Variants in SCAPER observed in about 807,000 individuals in gnomAD.
The protein encoded by SCAPER is S-phase cyclin A associated protein in the ER, also known as S phase cyclin A-associated protein in the endoplasmic reticulum.
In SCAPER, 98 loss-of-function variants were observed where a neutral mutation model predicts 182.2. The ratio of observed to expected loss-of-function variants is 0.54; its 90% confidence interval spans 0.46 to 0.64. The LOEUF (loss-of-function observed/expected upper bound fraction) is 0.64, where lower values mean the gene tolerates loss of function less well. Ranked by LOEUF, SCAPER falls within the 30% of genes least tolerant of loss-of-function variation. The pLI is 0.00. For missense variants in SCAPER, 1,432 were observed against 1,690.0 expected (o/e 0.85, Z 2.68); for synonymous variants, 605 against 564.6 (o/e 1.07, Z -1.01).
chr15:76,351,946 G>A (rs1393836319), intron 30 of SCAPER, among the ~76,000 whole-genome samples: 3 of 152,108 alleles, frequency 2.0e-5, no homozygotes. Flanking sequence ...TTATGTTACA[G>A]ATTTTTTTTG....
At chr15:76,744,216 G>C (rs1331893987) in intron 15 of SCAPER, among the ~76,000 whole-genome samples, 2 of 152,056 alleles carry the variant, frequency 1.3e-5, no homozygotes, top group East Asian at 3.9e-4. Flanking sequence ...TACCCTTCTT[G>C]ACATCTGCTT....
chr15:76,772,596 CA>C (rs1395379728), intron 9 of SCAPER, among the ~76,000 whole-genome samples: 1 of 151,898 alleles, frequency 6.6e-6, no homozygotes, highest in Non-Finnish European at 1.5e-5. Flanking sequence ...CTCATTATGA[CA>C]TTCATACACT....
chr15:76,447,386 C>T (rs1302097659), intron 25 of SCAPER, among the ~76,000 whole-genome samples: 2 of 152,188 alleles, frequency 1.3e-5, no homozygotes, highest in Non-Finnish European at 2.9e-5. Flanking sequence ...ATGGGGAACT[C>T]TGATTTATAG....
intron 23 of SCAPER, 88 bp downstream of exon 23, chr15:76,574,070 A>T (rs964528810): frequency 1.5e-6 from 2 of 1,351,270 alleles, no homozygotes; most frequent in African/African-American, 2.9e-5. Context: ...AAAGGTATAT[A>T]CTGAGTCTGC....
chr15:76,522,607 G>A (rs774078236), intron 23 of SCAPER, among the ~76,000 whole-genome samples: 19 of 152,176 alleles, frequency 1.2e-4, no homozygotes, highest in Non-Finnish European at 2.6e-4. Context: ...CTAAGACAGA[G>A]TAGTAAATAA....
intron 5 of SCAPER, 23 bp downstream of exon 5, chr15:76,841,711 C>T: frequency 1.9e-6 from 3 of 1,609,384 alleles, no homozygotes; most frequent in Non-Finnish European, 2.5e-6. Context: ...AAATGGATTA[C>T]AAGGCCTCAA....
chr15:76,737,887 T>A (rs1207652399), intron 15 of SCAPER, among the ~76,000 whole-genome samples: 1 of 152,224 alleles, frequency 6.6e-6, no homozygotes, highest in Non-Finnish European at 1.5e-5. Flanking sequence ...ATACCTCTCT[T>A]AAACTTCACA....
At chr15:76,862,576 T>TA in intron 2 of SCAPER, 43 bp from the exon 3 acceptor site, 2 of 1,199,074 alleles carry the variant, frequency 1.7e-6, no homozygotes, top group Non-Finnish European at 2.4e-6. Flanking sequence ...ATTAGATAAG[T>TA]CAAAATATAT....
At chr15:76,873,693 C>T (rs2072949970) in intron 2 of SCAPER, among the ~76,000 whole-genome samples, 1 of 152,108 alleles carries the variant, frequency 6.6e-6, no homozygotes, top group South Asian at 2.1e-4. Context: ...ACATAATTAA[C>T]AAGTTGATAT....
chr15:76,535,909 C>T (rs1416594264), intron 23 of SCAPER, among the ~76,000 whole-genome samples: 1 of 152,120 alleles, frequency 6.6e-6, no homozygotes, highest in Admixed American at 6.5e-5. Context: ...CTTTGTGGGC[C>T]TGTATTATCC....
At chr15:76,820,887 T>G (rs1324782168) in intron 5 of SCAPER, among the ~76,000 whole-genome samples, 2 of 152,132 alleles carry the variant, frequency 1.3e-5, no homozygotes, top group East Asian at 3.9e-4. Context: ...CTCCACATCA[T>G]AAGTCATCAG....
chr15:76,519,935 T>C (rs1456957096), intron 23 of SCAPER, among the ~76,000 whole-genome samples: 1 of 152,220 alleles, frequency 6.6e-6, no homozygotes, highest in Non-Finnish European at 1.5e-5. Context: ...CTCATAATAG[T>C]ATACCCTTAA....
chr15:76,642,439 TTAA>T (rs1239748967), intron 21 of SCAPER, among the ~76,000 whole-genome samples: 1 of 152,220 alleles, frequency 6.6e-6, no homozygotes, highest in African/African-American at 2.4e-5. Context: ...ATTCTTCAAT[TTAA>T]TTTTTGAATA....
At chr15:76,468,859 C>T (rs2049901588) in intron 25 of SCAPER, among the ~76,000 whole-genome samples, 1 of 152,050 alleles carries the variant, frequency 6.6e-6, no homozygotes, top group East Asian at 1.9e-4. Context: ...GATTAGTGCC[C>T]TTATAAAAAG....
chr15:76,451,311 T>C (rs923578369), intron 25 of SCAPER, among the ~76,000 whole-genome samples: 3 of 152,344 alleles, frequency 2.0e-5, no homozygotes, highest in Non-Finnish European at 4.4e-5. Flanking sequence ...TAAATAAGGA[T>C]GCTAAGATCA....
intron 24 of SCAPER, among the ~76,000 whole-genome samples, chr15:76,494,517 TCA>T (rs1330704812): frequency 2.6e-5 from 4 of 152,158 alleles, no homozygotes; most frequent in Non-Finnish European, 5.9e-5. Context: ...TTCCAGCAAC[TCA>T]CAGTTTTTTT....
At chr15:76,571,359 A>AT (rs530118855) in intron 23 of SCAPER, among the ~76,000 whole-genome samples, 42 of 152,140 alleles carry the variant, frequency 2.8e-4, no homozygotes, top group Non-Finnish European at 4.9e-4. Context: ...GTGGCTTAAG[A>AT]TTTTTTTTAA....
intron 14 of SCAPER, 40 bp from the exon 15 acceptor site, chr15:76,753,988 T>G (rs143096220): frequency 6.3e-7 from 1 of 1,589,482 alleles, no homozygotes; most frequent in African/African-American, 1.4e-5. Flanking sequence ...TTTCAATATA[T>G]ACAATCATTT....
At chr15:76,803,439 T>C (rs1440016031) in intron 6 of SCAPER, among the ~76,000 whole-genome samples, 3 of 152,252 alleles carry the variant, frequency 2.0e-5, no homozygotes, top group Admixed American at 6.5e-5. Flanking sequence ...GTATTTCTTC[T>C]TGATGACACT....
Sources: allele counts gnomAD v4.1 joint callset (sites outside exome capture counted in the v4.1 genomes callset), GRCh38; gene constraint gnomAD v4.1.1; transcripts MANE v1.5; gene names NCBI Gene and HGNC (gene_info 2026-07-23, HGNC 2026-07-21).